Variants in TTC28 observed in about 807,000 individuals in gnomAD.
The protein encoded by TTC28 is tetratricopeptide repeat domain 28, also known as tetratricopeptide repeat protein 28.
TTC28 carries 61 observed loss-of-function variants against 198.0 expected under a neutral mutation model. The ratio of observed to expected loss-of-function variants is 0.31; its 90% CI spans 0.25 to 0.38. The LOEUF (loss-of-function observed/expected upper bound fraction) is 0.38. Among genes scored for constraint, TTC28 ranks in the 10% least tolerant of loss-of-function variants. TTC28 has a pLI of 1.00. For synonymous variants in TTC28, 1,171 were observed against 1,297.8 expected, an observed-to-expected ratio of 0.90 and a Z score of 2.10; for missense variants, 2,678 against 3,164.0, an observed-to-expected ratio of 0.85 and a Z score of 3.69.
At chr22:28,034,146 A>G (rs190914490) in intron 12 of TTC28, among the ~76,000 whole-genome samples, 1 of 152,162 alleles carries the variant, frequency 6.6e-6, no homozygotes, top group Admixed American at 6.5e-5. Context: ...GATGGCCATG[A>G]TCTGAAACGG....
chr22:28,582,889 A>G (rs1217737668), intron 2 of TTC28, among the ~76,000 whole-genome samples: 1 of 152,184 alleles, frequency 6.6e-6, no homozygotes, highest in Non-Finnish European at 1.5e-5. Context: ...GCACATGGGT[A>G]CATTCCAGGT....
intron 11 of TTC28, 146 bp downstream of exon 11, chr22:28,096,044 C>A (rs954879297): frequency 4.7e-6 from 6 of 1,265,196 alleles, no homozygotes; most frequent in Admixed American, 6.7e-5. Context: ...CCCACCACGG[C>A]ATATCCACTG....
chr22:28,534,682 G>A (rs189238060), intron 2 of TTC28, among the ~76,000 whole-genome samples: 5 of 152,262 alleles, frequency 3.3e-5, no homozygotes, highest in Non-Finnish European at 5.9e-5. Flanking sequence ...ATCAATGATA[G>A]ACTTGATTAA....
At chr22:28,070,544 G>C (rs1601586062) in intron 12 of TTC28, among the ~76,000 whole-genome samples, 1 of 152,160 alleles carries the variant, frequency 6.6e-6, no homozygotes, top group Non-Finnish European at 1.5e-5. Context: ...CACTTTGGGA[G>C]GACAAGATGG....
In TTC28 at chr22:28,590,061, A is replaced by AAAAAAAAAAAAAAC. The variant is rs1555898135; in HGVS notation, c.381+39490_381+39491insGTTTTTTTTTTTTT. Among the ~76,000 whole-genome samples the AAAAAAAAAAAAAAC allele has an allele frequency of 1.8e-4, 25 of 142,372 alleles. 1 individual carries two copies. The highest frequency in any genetic ancestry group is 4.6e-4 in the South Asian group (2 of 4,334). The allele number at this position is 142,372 out of a possible 152,430, so 93.4% of individuals were successfully genotyped here. ...AAAAAAAAAAAAAAAAAAAAAAAAA[A>AAAAAAAAAAAAAAC]ACACAGAAAACCTGAAACTATAACT... On this transcript the variant is annotated intron_variant, in intron 2 of 22. Coordinates refer to ENST00000397906, the MANE Select transcript of TTC28 (RefSeq NM_001145418.2).
intron 2 of TTC28, among the ~76,000 whole-genome samples, chr22:28,308,673 T>C (rs2045192692): frequency 2.6e-5 from 4 of 152,176 alleles, no homozygotes; most frequent in Admixed American, 2.6e-4. Flanking sequence ...AAGGAGAAGG[T>C]GCATGTTTTG....
intron 12 of TTC28, among the ~76,000 whole-genome samples, chr22:28,058,054 T>G (rs1234119361): frequency 2.0e-5 from 3 of 152,256 alleles, no homozygotes; most frequent in African/African-American, 7.2e-5. Context: ...TTCCCCCAGA[T>G]TGCTTTGGAT....
At chr22:28,392,514 TC>T (rs534652563) in intron 2 of TTC28, among the ~76,000 whole-genome samples, 186 of 152,326 alleles carry the variant, frequency 1.2e-3, no homozygotes, top group Middle Eastern at 3.4e-3. Flanking sequence ...CGTAGGACCC[TC>T]CAAGCCAGGT....
intron 3 of TTC28, among the ~76,000 whole-genome samples, chr22:28,298,912 T>C (rs2044958320): frequency 6.6e-6 from 1 of 152,244 alleles, no homozygotes. Context: ...AAGAATATTA[T>C]GCATTTTTCT....
At chr22:28,022,538 C>A (rs930239653) in intron 13 of TTC28, among the ~76,000 whole-genome samples, 1 of 152,224 alleles carries the variant, frequency 6.6e-6, no homozygotes, top group African/African-American at 2.4e-5. Flanking sequence ...GCCCCTCAAC[C>A]CCTCTGGGCT....
intron 2 of TTC28, among the ~76,000 whole-genome samples, chr22:28,314,580 C>T (rs1253786821): frequency 2.6e-5 from 4 of 152,170 alleles, no homozygotes; most frequent in African/African-American, 9.7e-5. Flanking sequence ...ACCATCTGAT[C>T]TTTGACAAAC....
intron 12 of TTC28, among the ~76,000 whole-genome samples, chr22:28,055,653 T>C (rs1049731880): frequency 2.6e-5 from 4 of 152,168 alleles, no homozygotes; most frequent in African/African-American, 9.7e-5. Context: ...ATGAGAAAAG[T>C]AGGTCTAAAG....
chr22:28,064,468 A>G (rs190292526), intron 12 of TTC28, among the ~76,000 whole-genome samples: 2 of 152,224 alleles, frequency 1.3e-5, no homozygotes, highest in East Asian at 1.9e-4. Context: ...CTCTGTCCAT[A>G]TCTCTGGCTG....
At chr22:28,531,000 C>G (rs189126128) in intron 2 of TTC28, among the ~76,000 whole-genome samples, 168 of 152,284 alleles carry the variant, frequency 1.1e-3, no homozygotes, top group African/African-American at 3.8e-3. Context: ...ACTGCATCAA[C>G]TAATGAGCAA....
At chr22:28,142,897 A>G (rs367791555) in intron 6 of TTC28, among the ~76,000 whole-genome samples, 14 of 152,222 alleles carry the variant, frequency 9.2e-5, no homozygotes, top group African/African-American at 3.4e-4. Flanking sequence ...GAATGCCTGA[A>G]TGTTGACATA....
chr22:27,987,246 A>G (rs952659198), intron 21 of TTC28, among the ~76,000 whole-genome samples: 5 of 152,198 alleles, frequency 3.3e-5, no homozygotes, highest in Admixed American at 1.3e-4. Flanking sequence ...AACATCAACT[A>G]AAGTCCCCCA....
chr22:28,550,551 G>A (rs140053334), intron 2 of TTC28, among the ~76,000 whole-genome samples: 108 of 152,084 alleles, frequency 7.1e-4, no homozygotes, highest in Non-Finnish European at 1.3e-3. Context: ...AGGAGTGTGC[G>A]TCTATCATTT....
rs1480379428 is a variant in TTC28 at position 28,083,879 on chromosome 22, C to T, written c.3932+10201G>A. Among the ~76,000 whole-genome samples the T allele has an allele frequency of 2.0e-5, 3 of 152,252 alleles. No homozygotes were observed. The East Asian group carries it at 5.8e-4, about 29-fold the overall frequency. On this transcript the variant is annotated intron_variant, in intron 12 of 22. Transcript: ENST00000397906. ...AGGAGATTATATCCCGCACCTGGCT[C>T]AGAGGGTCCTACGCCCACGGAGCCT...
At chr22:28,115,557 C>T (rs1464739246) in intron 6 of TTC28, among the ~76,000 whole-genome samples, 1 of 152,174 alleles carries the variant, frequency 6.6e-6, no homozygotes, top group East Asian at 1.9e-4. Flanking sequence ...CAGAGAAGTA[C>T]ACATTAGATA....
Sources: allele counts gnomAD v4.1 joint callset (sites outside exome capture counted in the v4.1 genomes callset), GRCh38; gene constraint gnomAD v4.1.1; transcripts MANE v1.5; gene names NCBI Gene and HGNC (gene_info 2026-07-23, HGNC 2026-07-21).